IL1RAPL1: variants seen among roughly 807,000 people sequenced by gnomAD.
The protein encoded by IL1RAPL1 is interleukin 1 receptor accessory protein like 1.
IL1RAPL1 carries 3 observed loss-of-function variants against 48.4 expected under a neutral mutation model. The ratio of observed to expected loss-of-function variants is 0.06; its 90% confidence interval spans 0.03 to 0.16. IL1RAPL1 has a LOEUF of 0.16. Among genes scored for constraint, IL1RAPL1 ranks in the 10% least tolerant of loss-of-function variants. The probability of loss-of-function intolerance (pLI) is 1.00; values close to 1 mark genes in which losing one functional copy is unlikely to be tolerated. For synonymous variants in IL1RAPL1, 185 were observed against 187.7 expected (o/e 0.99, Z 0.12); for missense variants, 349 against 530.6 (o/e 0.66, Z 3.36).
rs61436993 is a variant in IL1RAPL1, at chrX:28,815,839, GTATATATATATATATATATATATATA to G, written c.82+26435_82+26460del. Among the ~76,000 whole-genome samples, 202 of 29,107 alleles carry G rather than the reference GTATATATATATATATATATATATATA, an allele frequency of 6.9e-3. 5 individuals carry two copies. Among genetic ancestry groups the G allele is most frequent in the African/African-American group, 0.016 (176 of 11,282 alleles). 25.3% of individuals were successfully genotyped at this position (29,107 alleles called of 115,157 possible). A position where few individuals can be genotyped will look rare whatever the true frequency, so the allele number is the denominator to read the frequency against. On this transcript the variant is annotated intron_variant, in intron 2 of 10. Coordinates refer to ENST00000378993, the MANE Select transcript of IL1RAPL1 (RefSeq NM_014271.4). ...CTATTGTGTATGTATGTGTGTTTAT[GTATATATATATATATATATATATATA>G]TATATATATATATATATATAATTTT...
At chrX:29,938,787 A>T (rs956132510) in intron 8 of IL1RAPL1, among the ~76,000 whole-genome samples, 1 of 111,852 alleles carries the variant, frequency 8.9e-6, no homozygotes, top group Admixed American at 9.5e-5. Context: ...TTATGTCACT[A>T]TGGATCATGT....
At chrX:29,304,861 C>T (rs1343799127) in intron 3 of IL1RAPL1, among the ~76,000 whole-genome samples, 1 of 112,681 alleles carries the variant, frequency 8.9e-6, no homozygotes, top group Non-Finnish European at 1.9e-5. Flanking sequence ...ACCTCTGCCT[C>T]CTGGGTTCAG....
chrX:29,780,005 A>G (rs1390580644), intron 6 of IL1RAPL1, among the ~76,000 whole-genome samples: 1 of 111,277 alleles, frequency 9.0e-6, no homozygotes, highest in Non-Finnish European at 1.9e-5. Context: ...AAAAGCAACA[A>G]AAAAGTACCC....
chrX:29,915,934 A>G (rs1479113279), intron 6 of IL1RAPL1, among the ~76,000 whole-genome samples: 17 of 73,725 alleles, frequency 2.3e-4, no homozygotes, highest in South Asian at 9.5e-4. Context: ...AGAGTGTGAT[A>G]TTCCCCTTCC....
chrX:28,927,355 A>T (rs749525521), intron 2 of IL1RAPL1, among the ~76,000 whole-genome samples: 41 of 111,634 alleles, frequency 3.7e-4, no homozygotes, highest in African/African-American at 1.3e-3. Context: ...CTTCAATATC[A>T]ATTTTTTTGT....
At chrX:29,036,732 T>C (rs1417470060) in intron 2 of IL1RAPL1, among the ~76,000 whole-genome samples, 1 of 111,472 alleles carries the variant, frequency 9.0e-6, no homozygotes, top group Non-Finnish European at 1.9e-5. Flanking sequence ...AAAAGTCTAT[T>C]ATTCTCAAAA....
intron 1 of IL1RAPL1, among the ~76,000 whole-genome samples, chrX:28,744,563 G>C (rs1288284361): frequency 9.0e-6 from 1 of 111,383 alleles, no homozygotes; most frequent in Non-Finnish European, 1.9e-5. Context: ...GTTTTCAAAA[G>C]ATGGTTGCCT....
chrX:29,003,951 G>A (rs769383041), intron 2 of IL1RAPL1, among the ~76,000 whole-genome samples: 106 of 111,682 alleles, frequency 9.5e-4, no homozygotes, highest in Middle Eastern at 9.3e-3. Flanking sequence ...AGACCAACCC[G>A]GCCAACATGG....
At chrX:28,975,934 A>G (rs907509504) in intron 2 of IL1RAPL1, among the ~76,000 whole-genome samples, 1 of 111,807 alleles carries the variant, frequency 8.9e-6, no homozygotes, top group Non-Finnish European at 1.9e-5. Context: ...CAAATGTAAC[A>G]GCAAATGCAA....
chrX:29,954,939 G>T (rs1933389357), intron 10 of IL1RAPL1, among the ~76,000 whole-genome samples, 163 bp from the exon 11 acceptor site: 1 of 112,001 alleles, frequency 8.9e-6, no homozygotes, highest in South Asian at 3.7e-4. Context: ...CCAAATGAGA[G>T]ATTTGTACCG....
chrX:29,478,377 G>T (rs926872518), intron 5 of IL1RAPL1, among the ~76,000 whole-genome samples: 2 of 111,627 alleles, frequency 1.8e-5, no homozygotes, highest in African/African-American at 6.5e-5. Context: ...CCAAAATTCT[G>T]CCGTGTAGTT....
intron 5 of IL1RAPL1, among the ~76,000 whole-genome samples, chrX:29,642,671 A>G (rs1482164957): frequency 8.9e-6 from 1 of 112,670 alleles, no homozygotes; most frequent in African/African-American, 3.2e-5. Context: ...ATGTGCTCAG[A>G]CAATGATTCC....
At chrX:29,024,486 T>A (rs1364054391) in intron 2 of IL1RAPL1, among the ~76,000 whole-genome samples, 1 of 112,029 alleles carries the variant, frequency 8.9e-6, no homozygotes, top group Non-Finnish European at 1.9e-5. Flanking sequence ...GCAAGTTACT[T>A]AACCACTCTG....
At chrX:29,666,806 A>T (rs778408953) in intron 5 of IL1RAPL1, among the ~76,000 whole-genome samples, 1 of 111,234 alleles carries the variant, frequency 9.0e-6, no homozygotes, top group African/African-American at 3.3e-5. Context: ...TTGTAACTAC[A>T]TAGTCACAAG....
intron 3 of IL1RAPL1, among the ~76,000 whole-genome samples, chrX:29,355,987 A>C (rs1172886042): frequency 8.9e-6 from 1 of 111,794 alleles, no homozygotes; most frequent in Non-Finnish European, 1.9e-5. Flanking sequence ...GATTATATTA[A>C]AATATATAGT....
In IL1RAPL1 at chrX:29,677,090, G is replaced by T. The variant is rs375437227; in HGVS notation, c.778+8586G>T. ...TCCATTAAAATAGAAACTATAAAAA[G>T]ACCCACATCATTTAAAGTTTGAATA... On this transcript the variant is annotated intron_variant, in intron 6 of 10. Coordinates refer to ENST00000378993, the MANE Select transcript of IL1RAPL1 (RefSeq NM_014271.4). 4.5e-5 allele frequency among the ~76,000 whole-genome samples: 5 copies of T among 111,781 alleles called. No individual in the cohort carries two copies. In the East Asian group the frequency reaches 1.1e-3, roughly 25 times the overall value.
rs1921161792 is a variant in IL1RAPL1, at chrX:28,834,741, A to G, written c.82+45316A>G. On this transcript the variant is annotated intron_variant, in intron 2 of 10. Coordinates refer to ENST00000378993, the MANE Select transcript of IL1RAPL1 (RefSeq NM_014271.4). The stretch of plus-strand genomic sequence containing the variant: ...TAGGTAAATTACCATATTATCTCTG[A>G]CAAGTAGACTGTGCATTTTGGAGGA... Among the ~76,000 whole-genome samples the G allele has an allele frequency of 2.7e-5, 3 of 111,566 alleles. No individual in the cohort carries two copies. The Admixed American group carries it at 2.9e-4, about 11-fold the overall frequency.
At chrX:29,185,061 G>A (rs1930224333) in intron 2 of IL1RAPL1, among the ~76,000 whole-genome samples, 1 of 112,021 alleles carries the variant, frequency 8.9e-6, no homozygotes, top group African/African-American at 3.2e-5. Flanking sequence ...AAATTGTACA[G>A]TGTTAAAAAC....
At chrX:29,693,027 C>T (rs903706821) in intron 6 of IL1RAPL1, among the ~76,000 whole-genome samples, 2 of 112,017 alleles carry the variant, frequency 1.8e-5, no homozygotes, top group African/African-American at 3.2e-5. Context: ...CATAAAAGTG[C>T]GTTTCAGCTG....
Sources: gnomAD v4.1 joint callset for allele counts (sites outside exome capture counted in the v4.1 genomes callset) on GRCh38, gnomAD v4.1.1 for gene constraint, MANE v1.5 for transcripts, NCBI Gene and HGNC (gene_info 2026-07-23, HGNC 2026-07-21) for gene names.